CACNA1E: variants seen among roughly 807,000 people sequenced by gnomAD.
The protein encoded by CACNA1E is calcium voltage-gated channel subunit alpha1 E.
A neutral mutation model predicts 259.2 loss-of-function variants in CACNA1E; 40 were observed. The observed-to-expected ratio is 0.15, with a 90% CI of 0.12 to 0.20. The LOEUF is 0.20. Among genes scored for constraint, CACNA1E ranks in the 10% least tolerant of loss-of-function variants. The pLI, the probability that CACNA1E is intolerant of heterozygous loss-of-function variation, is 1.00. For synonymous variants in CACNA1E, 1,104 were observed against 1,138.5 expected, an observed-to-expected ratio of 0.97 and a Z score of 0.61; for missense variants, 1,874 against 3,040.1, an observed-to-expected ratio of 0.62 and a Z score of 9.02.
chr1:181,712,170 G>T (rs1167149079), intron 8 of CACNA1E, among the ~76,000 whole-genome samples: 1 of 152,058 alleles, frequency 6.6e-6, no homozygotes, highest in Non-Finnish European at 1.5e-5. Flanking sequence ...TTCAAGTTTG[G>T]CTGTGGCTCA....
At position 181,572,519 on chromosome 1, in the gene CACNA1E, C is replaced by T. The variant is rs186904294; in HGVS notation, c.513-5247C>T. Among the ~76,000 whole-genome samples, 104 of 152,260 alleles carry T rather than the reference C, an allele frequency of 6.8e-4. 1 individual carries two copies. Among genetic ancestry groups the T allele is most frequent in the African/African-American group, 2.5e-3 (102 of 41,540 alleles). On this transcript the variant is annotated intron_variant, in intron 3 of 47. Coordinates refer to ENST00000367573, the MANE Select transcript of CACNA1E (RefSeq NM_001205293.3). ...GGTGGTGGTCAGAGGGCTGAGTGTA[C>T]TCTCCAACTGTCCTCTGTTGTGGGG... is the stretch of plus-strand genomic sequence containing the variant.
At chr1:181,660,678 G>T (rs1647569142) in intron 7 of CACNA1E, among the ~76,000 whole-genome samples, 1 of 152,158 alleles carries the variant, frequency 6.6e-6, no homozygotes, top group South Asian at 2.1e-4. Flanking sequence ...AATGGCTGCT[G>T]GTCTTAAGAA....
intron 26 of CACNA1E, 75 bp downstream of exon 26, chr1:181,750,562 G>C: frequency 4.3e-6 from 6 of 1,388,970 alleles, no homozygotes; most frequent in Admixed American, 1.7e-5. Context: ...ATGGTTGGGA[G>C]GGGAGGGGCT....
At chr1:181,420,215 G>A (rs1300220870) in intron 2 of CACNA1E, among the ~76,000 whole-genome samples, 3 of 152,188 alleles carry the variant, frequency 2.0e-5, no homozygotes, top group Admixed American at 1.3e-4. Context: ...AACCTGGGAG[G>A]TCTCCTGCAT....
At chr1:181,448,581 T>G (rs1222269982) in intron 2 of CACNA1E, among the ~76,000 whole-genome samples, 1 of 152,254 alleles carries the variant, frequency 6.6e-6, no homozygotes, top group Non-Finnish European at 1.5e-5. Context: ...GTTTGAAGTC[T>G]GAGTTTGACG....
chr1:181,616,231 G>C (rs76856191), intron 6 of CACNA1E, among the ~76,000 whole-genome samples: 1 of 152,088 alleles, frequency 6.6e-6, no homozygotes, highest in African/African-American at 2.4e-5. Context: ...TAGATATGCT[G>C]TCTTTTTCTA....
intron 19 of CACNA1E, among the ~76,000 whole-genome samples, chr1:181,731,458 C>T (rs1454153982): frequency 1.3e-5 from 2 of 152,170 alleles, no homozygotes; most frequent in African/African-American, 4.8e-5. Flanking sequence ...GTTTTTCGCT[C>T]TTCAGTCTGG....
At position 181,783,732 on chromosome 1, in the gene CACNA1E, C is replaced by T; in HGVS notation, c.5418C>T (p.Thr1806=). ...PVAEDMTVHF[T]STLMALIRTA... Reference sequence around the variant, plus strand: ...CTGAGGACATGACGGTCCACTTCACCTCCACACTTATGGCTCTGATCCGGA... The same window carrying T: ...CTGAGGACATGACGGTCCACTTCACTTCCACACTTATGGCTCTGATCCGGA... The change falls in exon 40 of 48, where the codon ACC becomes ACT. Residue 1806 remains threonine, a synonymous_variant. Coordinates refer to ENST00000367573, the MANE Select transcript of CACNA1E (RefSeq NM_001205293.3). The T allele has an allele frequency of 6.2e-7, 1 of 1,613,474 alleles. No individual in the cohort carries two copies. Among genetic ancestry groups the T allele is most frequent in the South Asian group, 1.1e-5 (1 of 91,044 alleles).
chr1:181,796,936 C>T (rs1572919342), intron 47 of CACNA1E, 78 bp downstream of exon 47: 1 of 1,104,172 alleles, frequency 9.1e-7, no homozygotes, highest in Non-Finnish European at 1.3e-6. Context: ...AAGTCGTGAG[C>T]ATTTCGCAAA....
At position 181,552,832 on chromosome 1, in the gene CACNA1E, T is replaced by C. The variant is rs189713132; in HGVS notation, c.513-24934T>C. On this transcript the variant is annotated intron_variant, in intron 3 of 47. Transcript: ENST00000367573. ...GGATATTTTGGTGTTATTTCTGAGG[T>C]CTCTGTTCTGTTCCATTGGTCTGTA... Among the ~76,000 whole-genome samples the C allele has an allele frequency of 8.6e-5, 13 of 151,592 alleles. No individual in the cohort carries two copies. In the East Asian group the frequency reaches 1.9e-3, roughly 23 times the overall value.
chr1:181,397,757 C>T (rs79700207), intron 1 of CACNA1E, among the ~76,000 whole-genome samples: 1 of 152,200 alleles, frequency 6.6e-6, no homozygotes, highest in Non-Finnish European at 1.5e-5. Context: ...CTTCCCTCTC[C>T]CTGCTGAGCT....
At chr1:181,612,562 A>G (rs371675606) in intron 6 of CACNA1E, among the ~76,000 whole-genome samples, 1 of 152,190 alleles carries the variant, frequency 6.6e-6, no homozygotes, top group East Asian at 1.9e-4. Flanking sequence ...CTCTCACTAG[A>G]GGCTTCCTGG....
chr1:181,379,905 A>C (rs1337542304), intron 1 of CACNA1E, among the ~76,000 whole-genome samples: 3 of 151,298 alleles, frequency 2.0e-5, no homozygotes, highest in African/African-American at 7.3e-5. Flanking sequence ...TTTTGGAAAC[A>C]ATGCAAATGG....
intron 3 of CACNA1E, among the ~76,000 whole-genome samples, chr1:181,539,210 C>A (rs558249646): frequency 6.6e-6 from 1 of 152,216 alleles, no homozygotes; most frequent in African/African-American, 2.4e-5. Flanking sequence ...TGACTAGGCT[C>A]ACCCTAAACT....
intron 3 of CACNA1E, among the ~76,000 whole-genome samples, chr1:181,522,072 G>A (rs1667034002): frequency 6.6e-6 from 1 of 152,220 alleles, no homozygotes; most frequent in African/African-American, 2.4e-5. Context: ...GAGGCACGAT[G>A]TTTGCAGAGA....
chr1:181,617,144 T>G (rs770352565), intron 6 of CACNA1E, among the ~76,000 whole-genome samples: 11 of 152,220 alleles, frequency 7.2e-5, no homozygotes, highest in Non-Finnish European at 4.4e-5. Flanking sequence ...TTTTGTTGAT[T>G]TTTCTGGATT....
rs9662171 is a variant in CACNA1E, at chr1:181,322,053, A to G, written c.-15+3930A>G. Among the ~76,000 whole-genome samples the G allele has an allele frequency of 9.4e-3, 1,428 of 152,218 alleles. 25 individuals carry two copies. The highest frequency in any genetic ancestry group is 0.032 in the African/African-American group (1,323 of 41,524). The stretch of plus-strand genomic sequence containing the variant: ...ATGGACAGGAGTTAGATGGAGGGCC[A>G]TGGAAGAAACCTTCTGGGTGGAGCA... On this transcript the variant is annotated intron_variant, in intron 1 of 11. Coordinates refer to the CACNA1E transcript ENST00000524607.
chr1:181,680,217 A>G (rs184698856), intron 7 of CACNA1E, among the ~76,000 whole-genome samples: 3 of 151,172 alleles, frequency 2.0e-5, no homozygotes, highest in Admixed American at 2.0e-4. Context: ...GCAGTGAATG[A>G]GGGGAATCAA....
intron 2 of CACNA1E, among the ~76,000 whole-genome samples, chr1:181,462,102 G>A (rs1204548772): frequency 6.6e-6 from 1 of 152,090 alleles, no homozygotes; most frequent in Non-Finnish European, 1.5e-5. Context: ...TTGAATAATT[G>A]CAAGAATTCT....
Sources: gnomAD v4.1 joint callset for allele counts (sites outside exome capture counted in the v4.1 genomes callset) on GRCh38, gnomAD v4.1.1 for gene constraint, MANE v1.5 for transcripts, NCBI Gene and HGNC (gene_info 2026-07-23, HGNC 2026-07-21) for gene names.